Variants in TULP4 observed in about 807,000 individuals in gnomAD.
The protein encoded by TULP4 is TUB like protein 4.
A neutral mutation model predicts 129.0 loss-of-function variants in TULP4; 16 were observed. That is an observed-to-expected ratio of 0.12 (90% CI 0.08 to 0.19). The LOEUF is 0.19. TULP4 is among the 10% of genes least tolerant of loss of function. TULP4 has a pLI of 1.00. For synonymous variants in TULP4, 998 were observed against 854.0 expected (o/e 1.17, Z -2.94); for missense variants, 1,842 against 2,059.1 (o/e 0.89, Z 2.04).
intron 1 of TULP4, among the ~76,000 whole-genome samples, chr6:158,362,064 A>G (rs897793877): frequency 6.6e-6 from 1 of 152,232 alleles, no homozygotes; most frequent in Non-Finnish European, 1.5e-5. Context: ...GATTCTACAC[A>G]GAAGTACCCA....
At chr6:158,504,263 C>T in intron 13 of TULP4, 85 bp downstream of exon 13, 1 of 1,135,136 alleles carries the variant, frequency 8.8e-7, no homozygotes, top group Admixed American at 2.8e-5. Flanking sequence ...TTTCAAAAGG[C>T]CAAATGGGAA....
intron 1 of TULP4, among the ~76,000 whole-genome samples, chr6:158,247,190 T>A (rs993717638): frequency 3.3e-5 from 5 of 152,220 alleles, no homozygotes; most frequent in African/African-American, 1.2e-4. Flanking sequence ...TTTTGTAGTT[T>A]TAACATGTAT....
At chr6:158,404,098 C>T (rs1777918385) in intron 1 of TULP4, among the ~76,000 whole-genome samples, 2 of 152,306 alleles carry the variant, frequency 1.3e-5, no homozygotes, top group Non-Finnish European at 1.5e-5. Context: ...ACTCATGCTC[C>T]GGCTCTCTTC....
chr6:158,298,299 A>C (rs1194823272), intron 1 of TULP4, among the ~76,000 whole-genome samples: 1 of 152,230 alleles, frequency 6.6e-6, no homozygotes, highest in African/African-American at 2.4e-5. Context: ...GTACATCCTC[A>C]GCTTACAAAG....
intron 1 of TULP4, among the ~76,000 whole-genome samples, chr6:158,400,927 C>T (rs141525331): frequency 5.9e-5 from 9 of 152,082 alleles, no homozygotes; most frequent in Non-Finnish European, 1.2e-4. Context: ...AGCAGAGAAC[C>T]GTTGATACAG....
intron 3 of TULP4, among the ~76,000 whole-genome samples, chr6:158,443,771 A>G (rs1054352515): frequency 1.3e-5 from 2 of 152,144 alleles, no homozygotes; most frequent in African/African-American, 4.8e-5. Flanking sequence ...CATCTTTTAA[A>G]AAAAAAAACA....
At chr6:158,430,909 T>G (rs1778613864) in intron 3 of TULP4, among the ~76,000 whole-genome samples, 1 of 152,186 alleles carries the variant, frequency 6.6e-6, no homozygotes, top group Non-Finnish European at 1.5e-5. Context: ...TATGGAACCG[T>G]AACTTTCATT....
At chr6:158,458,026 C>T (rs662079) in intron 5 of TULP4, among the ~76,000 whole-genome samples, 63,622 of 151,940 alleles carry the variant, frequency 0.42, 14,633 homozygotes, top group African/African-American at 0.62. Flanking sequence ...TGTGTATGCA[C>T]ATACACAACA....
At chr6:158,406,352 C>T (rs1777977460) in intron 1 of TULP4, among the ~76,000 whole-genome samples, 1 of 152,102 alleles carries the variant, frequency 6.6e-6, no homozygotes, top group Non-Finnish European at 1.5e-5. Flanking sequence ...CTACTAGATA[C>T]ACCAAGGGTA....
intron 1 of TULP4, among the ~76,000 whole-genome samples, chr6:158,408,719 T>C (rs564581557): frequency 2.0e-5 from 3 of 152,308 alleles, no homozygotes; most frequent in Non-Finnish European, 2.9e-5. Flanking sequence ...GACCTCCCGG[T>C]GACATCTCTG....
intron 1 of TULP4, among the ~76,000 whole-genome samples, chr6:158,330,216 A>G (rs548041155): frequency 1.3e-5 from 2 of 152,362 alleles, no homozygotes; most frequent in South Asian, 4.1e-4. Context: ...CAGTTGCCAC[A>G]TGTGGCTAGT....
chr6:158,254,559 T>C (rs770196853), intron 1 of TULP4, among the ~76,000 whole-genome samples: 33 of 152,364 alleles, frequency 2.2e-4, no homozygotes, highest in Admixed American at 8.5e-4. Context: ...TGTGACTTTT[T>C]CCACTGTAAG....
intron 5 of TULP4, among the ~76,000 whole-genome samples, chr6:158,459,166 C>T (rs1411306729): frequency 6.6e-6 from 1 of 152,176 alleles, no homozygotes; most frequent in East Asian, 1.9e-4. Flanking sequence ...CGCGGTGGCT[C>T]ACGCCTGTAA....
intron 1 of TULP4, among the ~76,000 whole-genome samples, chr6:158,240,580 T>G (rs1328640866): frequency 4.2e-5 from 3 of 71,942 alleles, no homozygotes; most frequent in African/African-American, 4.5e-5. Flanking sequence ...GGCTCCTCAC[T>G]TCCCAGTAGG....
Position 158,398,248 on chromosome 6 carries a change from G to A in TULP4, c.253-14817G>A, listed in dbSNP as rs893412615. On this transcript the variant is annotated intron_variant, in intron 1 of 13. Transcript: ENST00000367097. ...GCCTCTTTCAGCGGGTACTGTGGCT[G>A]ATACTTTTGGAACCCACAGTCATTA... 2.6e-5 allele frequency among the ~76,000 whole-genome samples: 4 copies of A among 152,292 alleles called. No individual in the cohort carries two copies. In the East Asian group the frequency reaches 5.8e-4, roughly 22 times the overall value.
At chr6:158,482,609 G>C (rs1446596638) in intron 8 of TULP4, among the ~76,000 whole-genome samples, 4 of 152,192 alleles carry the variant, frequency 2.6e-5, no homozygotes, top group Non-Finnish European at 5.9e-5. Context: ...CATGGTTTCA[G>C]GGAAAAGGAG....
intron 13 of TULP4, among the ~76,000 whole-genome samples, chr6:158,505,592 G>T (rs145148550): frequency 5.9e-5 from 9 of 152,240 alleles, no homozygotes; most frequent in African/African-American, 2.2e-4. Context: ...GAGCCCCGCC[G>T]CTGTGGAACA....
rs571296989 is a variant in TULP4 at position 158,303,959 on chromosome 6, A to G, written n.117-8092A>G. 3.1e-4 allele frequency among the ~76,000 whole-genome samples: 47 copies of G among 152,340 alleles called. 1 individual carries two copies. The East Asian group carries it at 8.1e-3, about 26-fold the overall frequency. ...ATGCTTTTTTACCTCTCCACTCCCG[A>G]TGGTAAATTTTATCTGTGTTGGTGG... On this transcript the variant is annotated intron_variant and non_coding_transcript_variant, in intron 1 of 1. Transcript: ENST00000432358.
intron 1 of TULP4, among the ~76,000 whole-genome samples, chr6:158,305,370 T>C (rs991734672): frequency 2.0e-5 from 3 of 149,218 alleles, no homozygotes; most frequent in African/African-American, 7.4e-5. Flanking sequence ...TGTGTACATA[T>C]ACCACATTTT....
Sources: allele counts gnomAD v4.1 joint callset (sites outside exome capture counted in the v4.1 genomes callset), GRCh38; gene constraint gnomAD v4.1.1; transcripts MANE v1.5; gene names NCBI Gene and HGNC (gene_info 2026-07-23, HGNC 2026-07-21).